ZDHHC15: variants seen among roughly 807,000 people sequenced by gnomAD.
ZDHHC15 encodes the protein zDHHC palmitoyltransferase 15.
A neutral mutation model predicts 31.7 loss-of-function variants in ZDHHC15; 19 were observed. The observed-to-expected ratio is 0.60, with a 90% CI of 0.42 to 0.88. The LOEUF (loss-of-function observed/expected upper bound fraction) is 0.88, where lower values mean the gene tolerates loss of function less well. ZDHHC15 is among the 40% of genes least tolerant of loss of function. ZDHHC15 has a pLI of 0.00. For synonymous variants in ZDHHC15, 103 were observed against 90.0 expected, an observed-to-expected ratio of 1.14 and a Z score of -0.82; for missense variants, 209 against 251.2, an observed-to-expected ratio of 0.83 and a Z score of 1.14.
Position 75,417,005 on chromosome X carries a change from T to C in ZDHHC15, c.967+82A>G, listed in dbSNP as rs1004615081. 10 of 811,039 alleles carry C rather than the reference T, an allele frequency of 1.2e-5. No homozygotes were observed. In the East Asian group the frequency reaches 3.3e-4, roughly 27 times the overall value. The allele number at this position is 811,039 out of a possible 1,213,427, so 66.8% of individuals were successfully genotyped here. The stretch of plus-strand genomic sequence containing the variant: ...GACACTTATGAGGTTGACATGCTTA[T>C]AAAATCTTTCTGGACACTATTTACT... On this transcript the variant is annotated intron_variant, in intron 10 of 11. Transcript: ENST00000373367.
intron 10 of ZDHHC15, among the ~76,000 whole-genome samples, chrX:75,395,661 T>C (rs1283419147): frequency 3.6e-5 from 4 of 111,625 alleles, no homozygotes; most frequent in East Asian, 5.6e-4. Flanking sequence ...AATATACCCA[T>C]GACATCCTTC....
At chrX:75,384,563 G>A in intron 10 of ZDHHC15, 1 of 808,285 alleles carries the variant, frequency 1.2e-6, no homozygotes, top group East Asian at 3.2e-5. Context: ...CATACTGTTG[G>A]CATTGTTGTA....
intron 4 of ZDHHC15, among the ~76,000 whole-genome samples, chrX:75,445,022 G>C (rs1202240345): frequency 9.1e-6 from 1 of 109,392 alleles, no homozygotes; most frequent in Non-Finnish European, 1.9e-5. Context: ...TTATACTTTG[G>C]GCTCAAAGTA....
At chrX:75,471,923 C>A (rs2084508978) in intron 3 of ZDHHC15, among the ~76,000 whole-genome samples, 1 of 111,743 alleles carries the variant, frequency 8.9e-6, no homozygotes. Context: ...AGAGACAGCT[C>A]TTGGCCTATT....
intron 10 of ZDHHC15, among the ~76,000 whole-genome samples, chrX:75,381,333 T>C (rs1286188293): frequency 3.6e-5 from 4 of 111,611 alleles, no homozygotes; most frequent in Non-Finnish European, 7.5e-5. Flanking sequence ...TTGATTCTTC[T>C]TTACCTCCAA....
At chrX:75,396,679 T>C (rs1318093908) in intron 10 of ZDHHC15, among the ~76,000 whole-genome samples, 3 of 112,077 alleles carry the variant, frequency 2.7e-5, no homozygotes, top group African/African-American at 6.5e-5. Flanking sequence ...ATTGGAGAGA[T>C]ATCTGCATTC....
intron 4 of ZDHHC15, among the ~76,000 whole-genome samples, chrX:75,450,276 G>A (rs1412149072): frequency 1.8e-5 from 2 of 111,650 alleles, no homozygotes; most frequent in Admixed American, 9.6e-5. Flanking sequence ...TGTGGGAAGT[G>A]GGGTGGGGTC....
In ZDHHC15 at chrX:75,478,953, C is replaced by A. The variant is rs1304312052; in HGVS notation, c.196G>T (p.Val66Leu). 8.3e-7 allele frequency: 1 copy of A among 1,200,624 alleles called. No individual in the cohort carries two copies. The highest frequency in any genetic ancestry group is 1.1e-6 in the Non-Finnish European group (1 of 889,350). Residue 66 changes from valine (V) to leucine (L), a missense_variant, in exon 3 of 12, where the codon GTG becomes TTG. Coordinates refer to ENST00000373367, the MANE Select transcript of ZDHHC15 (RefSeq NM_144969.3). ...IYLILYHAIF[V>L]FFTWTYWKSI... ...TTCCAGTAGGTCCAGGTAAAGAACA[C>A]AAAGATGGCATGGTAGAGTATGAGG...
intron 8 of ZDHHC15, 63 bp from the exon 9 acceptor site, chrX:75,422,053 A>G (rs2083651592): frequency 3.5e-6 from 4 of 1,133,186 alleles, no homozygotes; most frequent in Middle Eastern, 2.5e-4. Flanking sequence ...AAATTTCAGC[A>G]TAGTCATGAT....
intron 2 of ZDHHC15, among the ~76,000 whole-genome samples, chrX:75,496,544 G>A (rs1034825020): frequency 9.0e-6 from 1 of 111,424 alleles, no homozygotes; most frequent in East Asian, 2.8e-4. Context: ...CCAAACTACT[G>A]CAGAATATAC....
At chrX:75,397,897 G>A (rs1243502838) in intron 10 of ZDHHC15, among the ~76,000 whole-genome samples, 1 of 111,864 alleles carries the variant, frequency 8.9e-6, no homozygotes, top group Non-Finnish European at 1.9e-5. Context: ...ACCCCACCAG[G>A]GCCTTCAGTC....
At chrX:75,420,753 A>G (rs1225201557) in intron 9 of ZDHHC15, among the ~76,000 whole-genome samples, 1 of 110,991 alleles carries the variant, frequency 9.0e-6, no homozygotes, top group Admixed American at 9.7e-5. Context: ...GAGTTGATCA[A>G]TGAGAACACA....
At chrX:75,479,298 C>G (rs968436274) in intron 2 of ZDHHC15, among the ~76,000 whole-genome samples, 19 of 111,841 alleles carry the variant, frequency 1.7e-4, no homozygotes, top group African/African-American at 5.5e-4. Context: ...ACTTTGAGTA[C>G]TGAAAGGTGA....
At chrX:75,507,124 C>A (rs1349922205) in intron 1 of ZDHHC15, among the ~76,000 whole-genome samples, 1 of 111,152 alleles carries the variant, frequency 9.0e-6, no homozygotes, top group Non-Finnish European at 1.9e-5. Context: ...GAGCAGAGGG[C>A]AGAAATAGAA....
At chrX:75,456,568 T>C (rs1256387712) in intron 3 of ZDHHC15, among the ~76,000 whole-genome samples, 1 of 111,269 alleles carries the variant, frequency 9.0e-6, no homozygotes, top group Admixed American at 9.6e-5. Context: ...GTCAAGGATG[T>C]GGAGAAAGAG....
At chrX:75,450,260 G>A (rs1009925285) in intron 4 of ZDHHC15, among the ~76,000 whole-genome samples, 32 of 111,574 alleles carry the variant, frequency 2.9e-4, no homozygotes, top group Admixed American at 2.4e-3. Context: ...TCAGAATAGC[G>A]GTTTCTGTGG....
intron 11 of ZDHHC15, among the ~76,000 whole-genome samples, chrX:75,375,429 T>C (rs1443295623): frequency 8.9e-6 from 1 of 112,156 alleles, no homozygotes; most frequent in South Asian, 3.7e-4. Flanking sequence ...TCATCTTTTA[T>C]TTTAGATTCG....
chrX:75,384,236 A>C, intron 10 of ZDHHC15: 1 of 482,111 alleles, frequency 2.1e-6, no homozygotes, highest in Non-Finnish European at 3.7e-6. Flanking sequence ...ACTCATGTGA[A>C]GAATACACTG....
chrX:75,496,616 G>T (rs1183705653), intron 2 of ZDHHC15, among the ~76,000 whole-genome samples: 2 of 111,648 alleles, frequency 1.8e-5, no homozygotes, highest in Non-Finnish European at 3.8e-5. Flanking sequence ...ACACAAAAAA[G>T]TTTCAATAAA....
Sources: allele counts gnomAD v4.1 joint callset (sites outside exome capture counted in the v4.1 genomes callset), GRCh38; gene constraint gnomAD v4.1.1; transcripts MANE v1.5; gene names NCBI Gene and HGNC (gene_info 2026-07-23, HGNC 2026-07-21).